WWOX: variants seen among roughly 807,000 people sequenced by gnomAD.
WWOX encodes WW domain-containing oxidoreductase.
Under a neutral mutation model 46.2 loss-of-function variants are expected in WWOX, and 69 were observed. The observed-to-expected ratio is 1.49, with a 90% CI of 1.23 to 1.82. The LOEUF is 1.82. WWOX is among the 40% of genes most tolerant of loss of function. WWOX has a pLI of 0.00. For synonymous variants in WWOX, 359 were observed against 202.6 expected, an observed-to-expected ratio of 1.77 and a Z score of -6.56; for missense variants, 919 against 542.6, an observed-to-expected ratio of 1.69 and a Z score of -6.89.
intron 8 of WWOX, among the ~76,000 whole-genome samples, chr16:78,458,222 A>G (rs553297551): frequency 3.4e-5 from 5 of 147,808 alleles, no homozygotes; most frequent in South Asian, 2.1e-4. Flanking sequence ...GCCCACTTCT[A>G]TTCCCTGCCA....
At chr16:78,721,634 A>G (rs945958488) in intron 8 of WWOX, among the ~76,000 whole-genome samples, 1 of 152,186 alleles carries the variant, frequency 6.6e-6, no homozygotes, top group Non-Finnish European at 1.5e-5. Flanking sequence ...TTGAAATTTG[A>G]TTCCTCCGTC....
Position 78,403,836 on chromosome 16 carries a change from T to C in WWOX, c.605+16888T>C, listed in dbSNP as rs551200658. 3.3e-5 allele frequency among the ~76,000 whole-genome samples: 5 copies of C among 152,336 alleles called. No individual in the cohort carries two copies. In the South Asian group the frequency reaches 8.3e-4, roughly 25 times the overall value. ...CTTCACTCAAGTTTCCTGGATACTTTTGACTTCTTAGCCATGGATGTGTTT... is the reference window on the plus strand; with the variant it reads ...CTTCACTCAAGTTTCCTGGATACTTCTGACTTCTTAGCCATGGATGTGTTT... On this transcript the variant is annotated intron_variant, in intron 6 of 8. Coordinates refer to ENST00000566780, the MANE Select transcript of WWOX (RefSeq NM_016373.4).
chr16:78,685,653 A>G (rs1175020947), intron 8 of WWOX, among the ~76,000 whole-genome samples: 1 of 152,254 alleles, frequency 6.6e-6, no homozygotes, highest in African/African-American at 2.4e-5. Context: ...TGCTAAATGC[A>G]AAGGCAGAGA....
chr16:78,453,338 G>A (rs1046875554), intron 8 of WWOX, among the ~76,000 whole-genome samples: 16 of 151,550 alleles, frequency 1.1e-4, no homozygotes, highest in South Asian at 2.1e-4. Flanking sequence ...CAGGAAAATC[G>A]TTTGAACCCG....
chr16:78,494,548 T>A (rs1295236908), intron 8 of WWOX, among the ~76,000 whole-genome samples: 1 of 152,186 alleles, frequency 6.6e-6, no homozygotes, highest in African/African-American at 2.4e-5. Context: ...TTTTTGAAAT[T>A]CTGTTTTTGG....
chr16:78,247,522 A>C, intron 5 of WWOX, among the ~76,000 whole-genome samples: 1 of 152,158 alleles, frequency 6.6e-6, no homozygotes, highest in African/African-American at 2.4e-5. Flanking sequence ...AATGCAGCTG[A>C]TAGGGCCAGT....
intron 8 of WWOX, among the ~76,000 whole-genome samples, chr16:78,788,256 A>T (rs1031775380): frequency 6.6e-6 from 1 of 152,214 alleles, no homozygotes; most frequent in African/African-American, 2.4e-5. Flanking sequence ...CTGTGGTGTT[A>T]TGATATATAT....
intron 4 of WWOX, among the ~76,000 whole-genome samples, chr16:78,157,619 A>G (rs1374271834): frequency 6.6e-6 from 1 of 152,208 alleles, no homozygotes; most frequent in Non-Finnish European, 1.5e-5. Context: ...GGTAATAAGT[A>G]AGTATTTTGG....
chr16:78,652,309 T>G (rs994948683), intron 8 of WWOX, among the ~76,000 whole-genome samples: 20 of 146,854 alleles, frequency 1.4e-4, no homozygotes, highest in Non-Finnish European at 2.8e-4. Flanking sequence ...CTCGGGAGCC[T>G]GAGGCAGGAG....
At chr16:78,917,325 G>T (rs536093541) in intron 8 of WWOX, among the ~76,000 whole-genome samples, 1 of 152,304 alleles carries the variant, frequency 6.6e-6, no homozygotes, top group East Asian at 1.9e-4. Context: ...GGATGGTTCT[G>T]TGGTGTCCCA....
chr16:78,734,400 C>T (rs933378245), intron 8 of WWOX, among the ~76,000 whole-genome samples: 2 of 152,120 alleles, frequency 1.3e-5, no homozygotes, highest in Non-Finnish European at 2.9e-5. Flanking sequence ...CTATGATAGC[C>T]CTAATTGGAA....
chr16:79,065,539 C>G (rs891842520), intron 8 of WWOX, among the ~76,000 whole-genome samples: 1 of 152,116 alleles, frequency 6.6e-6, no homozygotes, highest in Non-Finnish European at 1.5e-5. Context: ...ATGCAAAAGT[C>G]TGAAAACCAT....
chr16:78,242,261 G>A (rs745831831), intron 5 of WWOX, among the ~76,000 whole-genome samples: 4 of 152,110 alleles, frequency 2.6e-5, no homozygotes, highest in Non-Finnish European at 4.4e-5. Flanking sequence ...TTTCTGCAGC[G>A]TTTTTGAAAA....
At chr16:78,510,770 C>G (rs1002819110) in intron 8 of WWOX, among the ~76,000 whole-genome samples, 1 of 152,210 alleles carries the variant, frequency 6.6e-6, no homozygotes, top group Non-Finnish European at 1.5e-5. Flanking sequence ...CACACACACC[C>G]TTTCATTTTG....
chr16:78,686,729 T>C (rs923703464), intron 8 of WWOX, among the ~76,000 whole-genome samples: 2 of 152,292 alleles, frequency 1.3e-5, no homozygotes, highest in South Asian at 4.1e-4. Flanking sequence ...TAGGCATTTA[T>C]GTTTATAAGC....
In WWOX at chr16:78,558,551, A is replaced by C. The variant is rs184865395; in HGVS notation, c.1056+125799A>C. Among the ~76,000 whole-genome samples the C allele has an allele frequency of 5.6e-4, 86 of 152,316 alleles. 1 individual carries two copies. Among genetic ancestry groups the C allele is most frequent in the Non-Finnish European group, 9.1e-4 (62 of 68,024 alleles). The stretch of plus-strand genomic sequence containing the variant: ...CCTGTGGTTTGCCATAGTACCCATC[A>C]GGCCTGCTTCACTCATTGTAGAAAT... On this transcript the variant is annotated intron_variant, in intron 8 of 8. Transcript: ENST00000566780.
chr16:78,814,634 A>T (rs2051283786), intron 8 of WWOX, among the ~76,000 whole-genome samples: 1 of 152,186 alleles, frequency 6.6e-6, no homozygotes, highest in Admixed American at 6.5e-5. Context: ...GTTCTTTTCT[A>T]TGGAATCATG....
chr16:78,217,111 C>A (rs1454638760), intron 5 of WWOX, among the ~76,000 whole-genome samples: 1 of 152,312 alleles, frequency 6.6e-6, no homozygotes, highest in East Asian at 1.9e-4. Flanking sequence ...ACCATATTCA[C>A]GGGTTTCAGG....
At chr16:78,381,689 C>G (rs1014020806) in intron 5 of WWOX, among the ~76,000 whole-genome samples, 8 of 152,162 alleles carry the variant, frequency 5.3e-5, no homozygotes, top group African/African-American at 1.9e-4. Flanking sequence ...CATTTTACAG[C>G]ATTTCAAGAT....
Sources: allele counts gnomAD v4.1 joint callset (sites outside exome capture counted in the v4.1 genomes callset), GRCh38; gene constraint gnomAD v4.1.1; transcripts MANE v1.5; gene names NCBI Gene and HGNC (gene_info 2026-07-23, HGNC 2026-07-21).